NBEA: variants seen among roughly 807,000 people sequenced by gnomAD.
The protein encoded by NBEA is neurobeachin, also known as lysosomal-trafficking regulator 2.
NBEA carries 44 observed loss-of-function variants against 343.4 expected under a neutral mutation model. That is an observed-to-expected ratio of 0.13 (90% CI 0.10 to 0.16). The LOEUF is 0.16. NBEA is among the 10% of genes least tolerant of loss of function. The probability of loss-of-function intolerance (pLI) is 1.00; values close to 1 mark genes in which losing one functional copy is unlikely to be tolerated. For missense variants in NBEA, 2,555 were observed against 3,631.3 expected (o/e 0.70, Z 7.62); for synonymous variants, 1,175 against 1,238.7 (o/e 0.95, Z 1.08).
chr13:35,274,135 T>G (rs1342145826), intron 34 of NBEA, among the ~76,000 whole-genome samples: 1 of 152,010 alleles, frequency 6.6e-6, no homozygotes, highest in Non-Finnish European at 1.5e-5. Flanking sequence ...GCCTACTGAA[T>G]CCAGCAGCAT....
intron 41 of NBEA, among the ~76,000 whole-genome samples, chr13:35,490,585 C>T (rs1482887044): frequency 6.6e-6 from 1 of 151,912 alleles, no homozygotes; most frequent in East Asian, 1.9e-4. Flanking sequence ...GCTAAACACT[C>T]GAAAACATGT....
intron 8 of NBEA, among the ~76,000 whole-genome samples, chr13:35,061,358 A>G (rs1394663244): frequency 6.6e-6 from 1 of 151,754 alleles, no homozygotes; most frequent in Non-Finnish European, 1.5e-5. Flanking sequence ...TGAAAATCTC[A>G]CTGTAGATTT....
At chr13:35,425,500 C>T (rs1252203934) in intron 38 of NBEA, among the ~76,000 whole-genome samples, 94 of 152,168 alleles carry the variant, frequency 6.2e-4, no homozygotes, top group Admixed American at 6.5e-4. Flanking sequence ...GATTGCACTG[C>T]GGTCTGAGAG....
At chr13:35,014,682 C>T (rs910700503) in intron 1 of NBEA, among the ~76,000 whole-genome samples, 1 of 151,736 alleles carries the variant, frequency 6.6e-6, no homozygotes, top group East Asian at 2.0e-4. Context: ...CTGCCAGCCC[C>T]ACTCTGCAAG....
intron 41 of NBEA, among the ~76,000 whole-genome samples, chr13:35,485,891 T>G (rs1386662901): frequency 6.6e-6 from 1 of 152,146 alleles, no homozygotes; most frequent in South Asian, 2.1e-4. Context: ...GTTTTACCCT[T>G]GAATGCTGTA....
intron 18 of NBEA, among the ~76,000 whole-genome samples, chr13:35,145,457 C>T (rs981357993): frequency 4.6e-5 from 7 of 152,086 alleles, no homozygotes; most frequent in Non-Finnish European, 8.8e-5. Context: ...ACTTGAATAA[C>T]ATTCTTATCT....
At chr13:35,176,631 A>G (rs1360713013) in intron 27 of NBEA, among the ~76,000 whole-genome samples, 1 of 152,046 alleles carries the variant, frequency 6.6e-6, no homozygotes, top group Non-Finnish European at 1.5e-5. Flanking sequence ...AATCTCATAT[A>G]TTATAAAAGC....
intron 1 of NBEA, among the ~76,000 whole-genome samples, chr13:34,993,244 A>G (rs996352728): frequency 6.6e-6 from 1 of 152,106 alleles, no homozygotes; most frequent in South Asian, 2.1e-4. Context: ...CAGCCGAAAT[A>G]TTATTTTTTC....
chr13:35,438,681 G>T (rs1182445117), intron 39 of NBEA, among the ~76,000 whole-genome samples: 2 of 152,132 alleles, frequency 1.3e-5, no homozygotes, highest in Non-Finnish European at 2.9e-5. Flanking sequence ...GAAAGTTAAT[G>T]ATGTAAATTT....
At chr13:35,546,639 G>A (rs920201530) in intron 41 of NBEA, among the ~76,000 whole-genome samples, 1 of 150,382 alleles carries the variant, frequency 6.6e-6, no homozygotes, top group Non-Finnish European at 1.5e-5. Flanking sequence ...TACAACCTCT[G>A]CCTCCCGGAT....
chr13:35,418,701 A>G (rs545372933), intron 38 of NBEA, among the ~76,000 whole-genome samples: 75 of 152,220 alleles, frequency 4.9e-4, no homozygotes, highest in African/African-American at 1.7e-3. Context: ...GTGTTGGAAC[A>G]TAAGCCTTTT....
chr13:35,265,604 G>C (rs547630691), intron 34 of NBEA, among the ~76,000 whole-genome samples: 1 of 151,820 alleles, frequency 6.6e-6, no homozygotes, highest in Admixed American at 6.6e-5. Flanking sequence ...CCTAAAAACA[G>C]TGGAGGTAGG....
intron 25 of NBEA, 40 bp downstream of exon 25, chr13:35,169,035 C>CAGA (rs1309896545): frequency 7.0e-7 from 1 of 1,435,984 alleles, no homozygotes; most frequent in Non-Finnish European, 9.3e-7. Flanking sequence ...CTTTCAGTTT[C>CAGA]AAGTTTTATT....
At position 34,992,262 on chromosome 13, in the gene NBEA, A is replaced by ATATT. The variant is rs1459023833; in HGVS notation, c.295-48670_295-48669insATTT. On this transcript the variant is annotated intron_variant, in intron 1 of 58. Coordinates refer to ENST00000379939, the MANE Select transcript of NBEA (RefSeq NM_001385012.1). ...TGTATATATATATATATATATATAT[A>ATATT]TTTTTTTTTTTAGACAGAGTCTAGC... 5.1e-3 allele frequency among the ~76,000 whole-genome samples: 585 copies of ATATT among 114,278 alleles called. 3 individuals are homozygous for ATATT. The highest frequency in any genetic ancestry group is 6.1e-3 in the South Asian group (22 of 3,594). 75.0% of individuals were successfully genotyped at this position (114,278 alleles called of 152,430 possible).
intron 32 of NBEA, among the ~76,000 whole-genome samples, chr13:35,209,379 G>A (rs977975146): frequency 1.6e-4 from 25 of 152,090 alleles, no homozygotes; most frequent in Non-Finnish European, 1.9e-4. Context: ...ATTGTTTGAC[G>A]TTGAATTAAT....
intron 5 of NBEA, among the ~76,000 whole-genome samples, chr13:35,049,994 A>G (rs1353710880): frequency 6.6e-6 from 1 of 151,814 alleles, no homozygotes; most frequent in East Asian, 1.9e-4. Flanking sequence ...ACTTGGTGGT[A>G]GGCTTTTGTT....
At chr13:35,371,549 C>T (rs923940703) in intron 38 of NBEA, among the ~76,000 whole-genome samples, 8 of 151,978 alleles carry the variant, frequency 5.3e-5, no homozygotes, top group African/African-American at 1.9e-4. Context: ...TGAATTCTCT[C>T]ATATCTTACT....
chr13:35,151,127 A>AG (rs2068756378), intron 18 of NBEA, among the ~76,000 whole-genome samples: 1 of 138,096 alleles, frequency 7.2e-6, no homozygotes, highest in African/African-American at 2.5e-5. Context: ...AAAAAAAAAA[A>AG]AAAGAAAAGA....
At chr13:34,958,544 T>C (rs1010122580) in intron 1 of NBEA, among the ~76,000 whole-genome samples, 2 of 152,108 alleles carry the variant, frequency 1.3e-5, no homozygotes, top group East Asian at 3.8e-4. Flanking sequence ...GAAGAAATAG[T>C]AATAATAGGA....
Sources: gnomAD v4.1 joint callset for allele counts (sites outside exome capture counted in the v4.1 genomes callset) on GRCh38, gnomAD v4.1.1 for gene constraint, MANE v1.5 for transcripts, NCBI Gene and HGNC (gene_info 2026-07-23, HGNC 2026-07-21) for gene names.